KAZN: variants seen among roughly 807,000 people sequenced by gnomAD.
KAZN encodes the protein kazrin, periplakin interacting protein, also known as kazrin.
In KAZN, 40 loss-of-function variants were observed where a neutral mutation model predicts 87.4. The ratio of observed to expected loss-of-function variants is 0.46; its 90% CI spans 0.36 to 0.60. The LOEUF (loss-of-function observed/expected upper bound fraction) is 0.60, where lower values mean the gene tolerates loss of function less well. Among genes scored for constraint, KAZN ranks in the 20% least tolerant of loss-of-function variants. KAZN has a pLI of 0.00. For synonymous variants in KAZN, 466 were observed against 458.3 expected (o/e 1.02, Z -0.22); for missense variants, 898 against 1,073.9 (o/e 0.84, Z 2.29).
chr1:13,969,565 C>T (rs1309624701), intron 1 of KAZN, among the ~76,000 whole-genome samples: 1 of 152,166 alleles, frequency 6.6e-6, no homozygotes, highest in African/African-American at 2.4e-5. Flanking sequence ...TTTCCCTAGT[C>T]ACTCTGCTTC....
At chr1:14,347,524 A>G (rs1015200584) in intron 2 of KAZN, among the ~76,000 whole-genome samples, 1 of 152,200 alleles carries the variant, frequency 6.6e-6, no homozygotes, top group Non-Finnish European at 1.5e-5. Context: ...TCTTTAAACC[A>G]TCTTGGTATC....
At chr1:15,011,994 C>T (rs889846790) in intron 2 of KAZN, among the ~76,000 whole-genome samples, 2 of 152,156 alleles carry the variant, frequency 1.3e-5, no homozygotes, top group African/African-American at 2.4e-5. Context: ...TCTGTACACC[C>T]CCCAGCCTCA....
chr1:14,799,084 T>C (rs1157909738), intron 1 of KAZN, among the ~76,000 whole-genome samples: 1 of 152,220 alleles, frequency 6.6e-6, no homozygotes, highest in East Asian at 1.9e-4. Context: ...CTGGACTACT[T>C]TCTCTCTGAG....
chr1:14,727,983 C>T (rs922162550), intron 1 of KAZN, among the ~76,000 whole-genome samples: 1 of 151,888 alleles, frequency 6.6e-6, no homozygotes, highest in Admixed American at 6.6e-5. Flanking sequence ...AGGGTTTGCG[C>T]TCCTATGAGA....
intron 1 of KAZN, among the ~76,000 whole-genome samples, chr1:13,917,173 A>G (rs1226805047): frequency 6.6e-6 from 1 of 152,216 alleles, no homozygotes; most frequent in African/African-American, 2.4e-5. Context: ...ACCATACGTT[A>G]GAGGAAAGAA....
intron 2 of KAZN, among the ~76,000 whole-genome samples, chr1:15,030,534 T>C (rs912726217): frequency 6.6e-6 from 1 of 152,218 alleles, no homozygotes; most frequent in African/African-American, 2.4e-5. Context: ...GTGCTGGGAT[T>C]ACAGGCCTGA....
intron 1 of KAZN, among the ~76,000 whole-genome samples, chr1:14,721,289 T>C (rs1016704050): frequency 1.5e-4 from 23 of 152,156 alleles, no homozygotes; most frequent in African/African-American, 4.3e-4. Flanking sequence ...ATCTGGTGGT[T>C]TTATCAGAGG....
At chr1:13,960,348 C>G (rs1641703910) in intron 1 of KAZN, among the ~76,000 whole-genome samples, 1 of 152,156 alleles carries the variant, frequency 6.6e-6, no homozygotes, top group Non-Finnish European at 1.5e-5. Context: ...GGATTCTAAC[C>G]CGGACAGCCC....
At chr1:13,934,168 C>A (rs1465752072) in intron 1 of KAZN, among the ~76,000 whole-genome samples, 1 of 152,212 alleles carries the variant, frequency 6.6e-6, no homozygotes, top group African/African-American at 2.4e-5. Context: ...GATCACCAGA[C>A]TCACAGGAGC....
At chr1:14,911,855 G>A (rs1038336039) in intron 1 of KAZN, among the ~76,000 whole-genome samples, 7 of 152,136 alleles carry the variant, frequency 4.6e-5, no homozygotes, top group African/African-American at 1.7e-4. Context: ...CTGAAGCCAT[G>A]AAAGGGAAAA....
intron 2 of KAZN, among the ~76,000 whole-genome samples, chr1:14,505,657 C>T (rs966644599): frequency 2.6e-5 from 4 of 152,056 alleles, no homozygotes; most frequent in Non-Finnish European, 5.9e-5. Flanking sequence ...TTGTTTCATG[C>T]ACAAGGAGTT....
chr1:14,750,810 A>G (rs1644394574), intron 1 of KAZN, among the ~76,000 whole-genome samples: 1 of 152,168 alleles, frequency 6.6e-6, no homozygotes, highest in South Asian at 2.1e-4. Flanking sequence ...TAGAAAACAC[A>G]TGATTTCAGG....
At chr1:15,067,022 C>T (rs7517020) in intron 8 of KAZN, 31,626 of 985,538 alleles carry the variant, frequency 0.032, 555 homozygotes, top group Middle Eastern at 0.051. Flanking sequence ...GACAGCCTGC[C>T]ACACATCCAA....
At chr1:14,584,937 C>G (rs1346954157) in intron 2 of KAZN, among the ~76,000 whole-genome samples, 1 of 152,198 alleles carries the variant, frequency 6.6e-6, no homozygotes, top group African/African-American at 2.4e-5. Flanking sequence ...GCCACTGGGA[C>G]TGGCCTGAAG....
At chr1:14,374,770 A>G (rs1474550249) in intron 2 of KAZN, among the ~76,000 whole-genome samples, 2 of 152,142 alleles carry the variant, frequency 1.3e-5, no homozygotes, top group Non-Finnish European at 1.5e-5. Context: ...TGACATATAC[A>G]AATCATCACG....
intron 2 of KAZN, among the ~76,000 whole-genome samples, chr1:15,012,897 C>T (rs1187626155): frequency 1.3e-5 from 2 of 152,006 alleles, no homozygotes; most frequent in Admixed American, 6.6e-5. Flanking sequence ...ACTCCGGCCT[C>T]GGCAACAGAA....
At chr1:14,975,499 G>T (rs979460175) in intron 2 of KAZN, among the ~76,000 whole-genome samples, 2 of 152,180 alleles carry the variant, frequency 1.3e-5, no homozygotes, top group African/African-American at 4.8e-5. Flanking sequence ...GCTGGGAAAA[G>T]ACCAAGGTTA....
chr1:14,490,213 C>T (rs947134323), intron 2 of KAZN, among the ~76,000 whole-genome samples: 4 of 152,212 alleles, frequency 2.6e-5, no homozygotes, highest in African/African-American at 9.6e-5. Context: ...TTTTGTTCTA[C>T]TAATGGGTGA....
intron 2 of KAZN, among the ~76,000 whole-genome samples, chr1:14,420,054 C>CTGATTGGTCTGTTTTACAGAGAGT (rs1431108848): frequency 6.6e-6 from 1 of 152,150 alleles, no homozygotes; most frequent in Non-Finnish European, 1.5e-5. Flanking sequence ...TTACAGAGAG[C>CTGATTGGTCTGTTTTACAGAGAGT]TGATTGGTCT....
Sources: allele counts gnomAD v4.1 joint callset (sites outside exome capture counted in the v4.1 genomes callset), GRCh38; gene constraint gnomAD v4.1.1; transcripts MANE v1.5; gene names NCBI Gene and HGNC (gene_info 2026-07-23, HGNC 2026-07-21).